Variants in TBC1D31 observed in about 807,000 individuals in gnomAD.
The protein encoded by TBC1D31 is TBC1 domain family member 31.
In TBC1D31, 99 loss-of-function variants were observed where a neutral mutation model predicts 132.9. The ratio of observed to expected loss-of-function variants is 0.74; its 90% CI spans 0.63 to 0.88. The LOEUF is 0.88. TBC1D31 is among the 40% of genes least tolerant of loss of function. The probability of loss-of-function intolerance (pLI) is 0.00; values close to 1 mark genes in which losing one functional copy is unlikely to be tolerated. For synonymous variants in TBC1D31, 385 were observed against 419.4 expected (o/e 0.92, Z 1.00); for missense variants, 1,134 against 1,256.6 (o/e 0.90, Z 1.48).
intron 4 of TBC1D31, among the ~76,000 whole-genome samples, chr8:123,084,756 A>G (rs1815539905): frequency 6.7e-6 from 1 of 149,740 alleles, no homozygotes; most frequent in African/African-American, 2.5e-5. Flanking sequence ...ATACTCTCTT[A>G]TGGGTCTATC....
intron 7 of TBC1D31, among the ~76,000 whole-genome samples, chr8:123,104,472 C>A (rs1051016800): frequency 3.3e-5 from 5 of 152,050 alleles, no homozygotes; most frequent in Admixed American, 2.6e-4. Context: ...CACTATTAAT[C>A]CCATCCCATA....
At chr8:123,102,360 T>C (rs1817520164) in intron 7 of TBC1D31, 1 of 292,622 alleles carries the variant, frequency 3.4e-6, no homozygotes, top group Non-Finnish European at 6.5e-6. Flanking sequence ...TTTGCCACCT[T>C]TTTTTATTCT....
At chr8:123,154,771 T>G (rs1443280690), downstream of TBC1D31, among the ~76,000 whole-genome samples, 1 of 152,208 alleles carries the variant, frequency 6.6e-6, no homozygotes, top group Non-Finnish European at 1.5e-5. Flanking sequence ...ATAAGGCAAT[T>G]GTGCACACTA....
chr8:123,155,004 A>C (rs1046861217), downstream of TBC1D31, among the ~76,000 whole-genome samples: 1 of 152,178 alleles, frequency 6.6e-6, no homozygotes, highest in African/African-American at 2.4e-5. The surrounding 1 kb of genome is among the most constrained non-coding windows in gnomAD (Gnocchi z 4.1). Context: ...TGCAGACCTG[A>C]GATGATTGAT....
chr8:123,142,258 C>T lies in TBC1D31; in HGVS notation c.2641-4C>T. 6.4e-7 allele frequency: 1 copy of T among 1,559,978 alleles called. No homozygotes were observed. The highest frequency in any genetic ancestry group is 8.6e-7 in the Non-Finnish European group (1 of 1,157,350). On this transcript the variant is annotated splice_polypyrimidine_tract_variant and splice_region_variant and intron_variant, in intron 18 of 21. Coordinates refer to ENST00000287380, the MANE Select transcript of TBC1D31 (RefSeq NM_145647.4). ...TGTTTCTGAAATGTATAACTTTTTC[C>T]TAGGTGATTAAAGAAAATTTGGCAA...
intron 7 of TBC1D31, chr8:123,103,312 T>C (rs1817623208): frequency 6.6e-6 from 1 of 152,172 alleles, no homozygotes; most frequent in Non-Finnish European, 1.5e-5. Flanking sequence ...TATTTTTACA[T>C]TATAATATGT....
Position 123,082,556 on chromosome 8 carries a change from C to T in TBC1D31, c.225-146C>T, listed in dbSNP as rs1176838035. On this transcript the variant is annotated intron_variant, in intron 2 of 21. Coordinates refer to ENST00000287380, the MANE Select transcript of TBC1D31 (RefSeq NM_145647.4). ...AACATCCAAACTCCTTAATATGGCA[C>T]ATAGCACCCTTCATAATCTATTTTT... is the stretch of plus-strand genomic sequence containing the variant. 12 of 612,026 alleles carry T rather than the reference C, an allele frequency of 2.0e-5. No homozygotes were observed. In the African/African-American group the frequency reaches 2.0e-4, roughly 10 times the overall value. 37.9% of individuals were successfully genotyped at this position (612,026 alleles called of 1,614,324 possible).
chr8:123,107,403 T>C (rs2130498868), intron 8 of TBC1D31, among the ~76,000 whole-genome samples: 1 of 152,366 alleles, frequency 6.6e-6, no homozygotes, highest in Middle Eastern at 3.4e-3. Context: ...GTCCTCACTT[T>C]TGTGTTAATT....
At chr8:123,160,707 C>A in the TBC1D31 span, among the ~76,000 whole-genome samples, 1 of 152,182 alleles carries the variant, frequency 6.6e-6, no homozygotes, top group South Asian at 2.1e-4. Flanking sequence ...TACAGGGTAC[C>A]AGGCCCGATC....
chr8:123,119,907 T>C, intron 10 of TBC1D31, 148 bp from the exon 11 acceptor site: 1 of 618,096 alleles, frequency 1.6e-6, no homozygotes. Context: ...ATTTATACTT[T>C]TAACAATGGT....
chr8:123,091,094 C>G (rs1334635069), intron 4 of TBC1D31, among the ~76,000 whole-genome samples: 1 of 152,076 alleles, frequency 6.6e-6, no homozygotes, highest in African/African-American at 2.4e-5. Context: ...ACCTAACCCC[C>G]CAAAAAGTAT....
intron 10 of TBC1D31, among the ~76,000 whole-genome samples, chr8:123,114,268 G>C (rs1013034741): frequency 1.3e-5 from 2 of 152,052 alleles, no homozygotes; most frequent in African/African-American, 4.8e-5. Flanking sequence ...TATATGTTTG[G>C]AATTTTTTGT....
chr8:123,128,523 G>C lies in TBC1D31; in HGVS notation c.2117+10G>C. 6.5e-7 allele frequency: 1 copy of C among 1,537,034 alleles called. No homozygotes were observed. The highest frequency in any genetic ancestry group is 9.0e-7 in the Non-Finnish European group (1 of 1,113,894). On this transcript the variant is annotated intron_variant, in intron 14 of 21. Transcript: ENST00000287380. Reference sequence around the variant, plus strand: ...ATTACTTAAGAGAGAGGTAATTATGGAATAGTTTTTCTTTTTCTGATACAA... The same window carrying C: ...ATTACTTAAGAGAGAGGTAATTATGCAATAGTTTTTCTTTTTCTGATACAA...
chr8:123,126,602 C>G lies in TBC1D31; in HGVS notation c.1799C>G (p.Pro600Arg). 3.1e-6 allele frequency: 5 copies of G among 1,613,704 alleles called. No individual in the cohort carries two copies. Among genetic ancestry groups the G allele is most frequent in the Non-Finnish European group, 4.2e-6 (5 of 1,179,688 alleles). Residue 600 changes from proline (P) to arginine (R), a missense_variant, in exon 13 of 22, where the codon CCT (proline) becomes CGT (arginine). Pro to Arg is a moderately radical substitution (Grantham distance 103). Transcript: ENST00000287380. The part of the protein sequence containing the change: ...KLFDNIFSNH[P>R]SFLLMTVVAY... ...TTCGATAATATCTTTTCCAACCATC[C>G]TTCCTTCCTTCTGATGACTGTTGTA...
chr8:123,128,153 T>C lies in TBC1D31; in HGVS notation c.1885-128T>C, dbSNP rs116551721. 2,743 of 492,770 alleles carry C rather than the reference T, an allele frequency of 5.6e-3. 54 individuals are homozygous for C. Among genetic ancestry groups the C allele is most frequent in the African/African-American group, 0.05 (2,500 of 49,758 alleles). 30.5% of individuals were successfully genotyped at this position (492,770 alleles called of 1,614,324 possible). ...TTGTAAAACTTGAGTAAAGAAAAGC[T>C]TTAATGAATTTGCAAAAAAATATAT... On this transcript the variant is annotated intron_variant, in intron 13 of 21. Coordinates refer to ENST00000287380, the MANE Select transcript of TBC1D31 (RefSeq NM_145647.4).
chr8:123,160,281 G>A, the TBC1D31 span, among the ~76,000 whole-genome samples: 4 of 152,152 alleles, frequency 2.6e-5, no homozygotes, highest in African/African-American at 9.7e-5. Flanking sequence ...GTTTTTCTGG[G>A]ATGAAGACTT....
At chr8:123,103,295 A>G (rs528431222) in intron 7 of TBC1D31, 4 of 152,324 alleles carry the variant, frequency 2.6e-5, no homozygotes, top group East Asian at 3.9e-4. Flanking sequence ...TGTATACTAT[A>G]TAAGTATATT....
At chr8:123,103,303 AT>A (rs1233918063) in intron 7 of TBC1D31, 2 of 152,112 alleles carry the variant, frequency 1.3e-5, no homozygotes. Context: ...ATATAAGTAT[AT>A]TTTTACATTA....
At chr8:123,148,526 C>T (rs2130967851) in intron 20 of TBC1D31, among the ~76,000 whole-genome samples, 1 of 151,532 alleles carries the variant, frequency 6.6e-6, no homozygotes, top group East Asian at 1.9e-4. Context: ...TGGCTTGAGC[C>T]CAGGAGTTCA....
Sources: gnomAD v4.1 joint callset for allele counts (sites outside exome capture counted in the v4.1 genomes callset) on GRCh38, gnomAD v4.1.1 for gene constraint, Gnocchi (gnomAD v3.1) non-coding constraint, MANE v1.5 for transcripts, NCBI Gene and HGNC (gene_info 2026-07-23, HGNC 2026-07-21) for gene names.